SPOCK3: variants seen among roughly 807,000 people sequenced by gnomAD.
SPOCK3 encodes the protein SPARC (osteonectin), cwcv and kazal like domains proteoglycan 3, also known as testican-3.
In SPOCK3, 30 loss-of-function variants were observed where a neutral mutation model predicts 56.6. That is an observed-to-expected ratio of 0.53 (90% CI 0.40 to 0.72). The LOEUF (loss-of-function observed/expected upper bound fraction) is 0.72. SPOCK3 is among the 30% of genes least tolerant of loss of function. The probability of loss-of-function intolerance (pLI) is 0.00; values close to 1 mark genes in which losing one functional copy is unlikely to be tolerated. For missense variants in SPOCK3, 527 were observed against 530.0 expected (o/e 0.99, Z 0.06); for synonymous variants, 196 against 183.3 (o/e 1.07, Z -0.56).
intron 2 of SPOCK3, among the ~76,000 whole-genome samples, chr4:167,174,080 A>G (rs1263161047): frequency 1.3e-5 from 2 of 152,160 alleles, no homozygotes; most frequent in African/African-American, 4.8e-5. Context: ...AGCTTCAGAA[A>G]TGAAACAATA....
intron 7 of SPOCK3, among the ~76,000 whole-genome samples, chr4:166,765,663 A>C (rs1338881271): frequency 6.6e-6 from 1 of 152,140 alleles, no homozygotes; most frequent in African/African-American, 2.4e-5. Context: ...TTGTTTTGGC[A>C]ATGTGGGCTC....
intron 2 of SPOCK3, among the ~76,000 whole-genome samples, chr4:167,208,695 T>C (rs1005489289): frequency 6.8e-6 from 1 of 147,938 alleles, no homozygotes; most frequent in Admixed American, 6.9e-5. Context: ...GACATTTGAT[T>C]TAGATTTTTG....
intron 4 of SPOCK3, among the ~76,000 whole-genome samples, chr4:166,937,133 C>T (rs548395719): frequency 6.6e-6 from 1 of 151,918 alleles, no homozygotes; most frequent in South Asian, 2.1e-4. Context: ...CTGGTCACAA[C>T]AAAAGGTAGA....
At chr4:166,879,491 C>G (rs1733468706) in intron 6 of SPOCK3, among the ~76,000 whole-genome samples, 1 of 152,054 alleles carries the variant, frequency 6.6e-6, no homozygotes, top group Admixed American at 6.6e-5. Context: ...GGAAACATAG[C>G]AAGACTTTGT....
At chr4:166,831,873 T>G (rs1348242352) in intron 6 of SPOCK3, among the ~76,000 whole-genome samples, 3 of 151,854 alleles carry the variant, frequency 2.0e-5, no homozygotes, top group Non-Finnish European at 4.4e-5. Context: ...GGAAAAGCTT[T>G]GACTGCTCGC....
intron 3 of SPOCK3, among the ~76,000 whole-genome samples, chr4:167,016,320 C>A (rs1262191361): frequency 1.3e-5 from 2 of 151,790 alleles, no homozygotes; most frequent in Non-Finnish European, 2.9e-5. Flanking sequence ...CATGAGATTC[C>A]AAAGTATTTC....
intron 3 of SPOCK3, among the ~76,000 whole-genome samples, chr4:167,047,066 G>A (rs1222062188): frequency 1.3e-5 from 2 of 152,072 alleles, no homozygotes; most frequent in Non-Finnish European, 2.9e-5. Context: ...CAATCAAGAA[G>A]GCATATTAAC....
chr4:167,022,397 A>ATT (rs754838271), intron 3 of SPOCK3, among the ~76,000 whole-genome samples: 11 of 152,018 alleles, frequency 7.2e-5, no homozygotes, highest in Admixed American at 1.3e-4. Flanking sequence ...GCCCATTATA[A>ATT]ACTGGGTGAT....
intron 4 of SPOCK3, among the ~76,000 whole-genome samples, chr4:166,943,753 T>C (rs1335009931): frequency 6.6e-6 from 1 of 152,234 alleles, no homozygotes; most frequent in Non-Finnish European, 1.5e-5. Flanking sequence ...ATGCTTTTCA[T>C]GTAAACTCCA....
At chr4:167,129,162 G>A (rs1334795043) in intron 2 of SPOCK3, among the ~76,000 whole-genome samples, 1 of 152,198 alleles carries the variant, frequency 6.6e-6, no homozygotes, top group Non-Finnish European at 1.5e-5. Context: ...CACCCACAAA[G>A]ACTTCAGAAA....
At position 167,000,416 on chromosome 4, in the gene SPOCK3, G is replaced by A. The variant is rs1748830979; in HGVS notation, c.283C>T (p.His95Tyr). ...DPCLKMKCSR[H>Y]KVCIAQDSQT... ...GAATCTTGAGCAATGCATACTTTATGGCGACTACATTTCATCTTTAAGCAT... is the reference window on the plus strand; with the variant it reads ...GAATCTTGAGCAATGCATACTTTATAGCGACTACATTTCATCTTTAAGCAT... The change falls in exon 4 of 11, where the codon CAT becomes TAT. Residue 95 changes from histidine (H) to tyrosine (Y), a missense_variant. His to Tyr is a moderately conservative substitution (Grantham distance 83, BLOSUM62 2). Coordinates refer to ENST00000357545, the MANE Select transcript of SPOCK3 (RefSeq NM_001040159.2). 1 of 1,608,708 alleles carries A rather than the reference G, an allele frequency of 6.2e-7. No individual in the cohort carries two copies. The highest frequency in any genetic ancestry group is 1.7e-5 in the Admixed American group (1 of 59,370).
chr4:167,188,429 G>A (rs1447170727), intron 2 of SPOCK3, among the ~76,000 whole-genome samples: 1 of 145,666 alleles, frequency 6.9e-6, no homozygotes, highest in East Asian at 2.1e-4. Context: ...ATACTGGAAC[G>A]ATAAGAAAAA....
At chr4:166,949,441 C>T (rs993066909) in intron 4 of SPOCK3, among the ~76,000 whole-genome samples, 1 of 152,152 alleles carries the variant, frequency 6.6e-6, no homozygotes, top group African/African-American at 2.4e-5. Flanking sequence ...TCCAGTTTTT[C>T]TGCTCTGTTT....
intron 4 of SPOCK3, among the ~76,000 whole-genome samples, chr4:166,976,113 CCA>C (rs140466406): frequency 2.7e-5 from 4 of 149,970 alleles, no homozygotes; most frequent in East Asian, 3.9e-4. Context: ...TCTCCACCCA[CCA>C]CACACACACA....
chr4:167,167,103 C>A lies in SPOCK3; in HGVS notation c.189+66882G>T, dbSNP rs1177851606. Among the ~76,000 whole-genome samples the A allele has an allele frequency of 1.3e-4, 19 of 151,978 alleles. 1 individual carries two copies. The highest frequency in any genetic ancestry group is 1.2e-3 in the Admixed American group (19 of 15,220). ...CTCCTTATGTAACTTTCCTGTCTTT[C>A]CCGATGCAAATTTCACCTTGACATT... is the stretch of plus-strand genomic sequence containing the variant. On this transcript the variant is annotated intron_variant, in intron 2 of 10. Coordinates refer to ENST00000357545, the MANE Select transcript of SPOCK3 (RefSeq NM_001040159.2).
At chr4:167,072,744 T>C (rs1756801714) in intron 2 of SPOCK3, among the ~76,000 whole-genome samples, 1 of 151,884 alleles carries the variant, frequency 6.6e-6, no homozygotes, top group South Asian at 2.1e-4. Flanking sequence ...ATTTATCATA[T>C]TTTTAGAAAA....
In SPOCK3 at chr4:167,153,347, C is replaced by A. The variant is rs149857812; in HGVS notation, c.189+80638G>T. On this transcript the variant is annotated intron_variant, in intron 2 of 10. Transcript: ENST00000357545. ...GTGCCCATGGGACAGTAAAGCAGAG[C>A]AGCTTTTGGCATCAATTCTAGACTT... is the stretch of plus-strand genomic sequence containing the variant. Among the ~76,000 whole-genome samples the A allele has an allele frequency of 1.9e-3, 296 of 152,294 alleles. 1 individual carries two copies. Among genetic ancestry groups the A allele is most frequent in the African/African-American group, 6.6e-3 (273 of 41,570 alleles).
chr4:166,941,618 C>G (rs1418995449), intron 4 of SPOCK3, among the ~76,000 whole-genome samples: 1 of 152,140 alleles, frequency 6.6e-6, no homozygotes, highest in Non-Finnish European at 1.5e-5. Context: ...TGAGTGTGAG[C>G]TAAACTCACT....
chr4:167,177,759 T>C (rs781675473), intron 2 of SPOCK3, among the ~76,000 whole-genome samples: 73 of 152,300 alleles, frequency 4.8e-4, no homozygotes, highest in Non-Finnish European at 8.2e-4. Flanking sequence ...GTCAACATTG[T>C]CAACTTGCCT....
Sources: allele counts gnomAD v4.1 joint callset (sites outside exome capture counted in the v4.1 genomes callset), GRCh38; gene constraint gnomAD v4.1.1; transcripts MANE v1.5; gene names NCBI Gene and HGNC (gene_info 2026-07-23, HGNC 2026-07-21).